Variants in PCA3 observed in about 807,000 individuals in gnomAD.
The protein encoded by PCA3 is prostate cancer associated 3, also known as Differential Display code 3.
intron 2 of PCA3, chr9:76,785,966 T>C (rs1047391815): frequency 3.9e-5 from 6 of 152,188 alleles, no homozygotes; most frequent in African/African-American, 1.2e-4. Context: ...ACAATATGCA[T>C]AAATCTAACT....
chr9:76,779,228 TAG>T (rs1225564083), intron 2 of PCA3, among the ~76,000 whole-genome samples: 1 of 140,754 alleles, frequency 7.1e-6, no homozygotes, highest in African/African-American at 2.9e-5. Flanking sequence ...GTGAAAAACT[TAG>T]ACTTTTTTTT....
chr9:76,769,509 T>C (rs976018194), intron 2 of PCA3, among the ~76,000 whole-genome samples: 33 of 152,212 alleles, frequency 2.2e-4, no homozygotes, highest in African/African-American at 7.9e-4. Context: ...CGTCGCAACC[T>C]CCGCCCCCCG....
At chr9:76,774,466 T>TATTTATTTATTTATTTA (rs1419033422) in intron 2 of PCA3, among the ~76,000 whole-genome samples, 4 of 43,488 alleles carry the variant, frequency 9.2e-5, no homozygotes, top group East Asian at 9.2e-4. Context: ...TTTTTTTTTT[T>TATTTATTTATTTATTTA]TTTTTTTTTT....
At chr9:76,776,984 C>T (rs892704189) in intron 2 of PCA3, among the ~76,000 whole-genome samples, 10 of 150,936 alleles carry the variant, frequency 6.6e-5, no homozygotes, top group African/African-American at 2.4e-4. Context: ...CGGAGATTCT[C>T]GGCACTCCTA....
chr9:76,771,641 A>T (rs1261615505), intron 2 of PCA3, among the ~76,000 whole-genome samples: 1 of 152,252 alleles, frequency 6.6e-6, no homozygotes, highest in African/African-American at 2.4e-5. Context: ...ACATCAAAGC[A>T]GTTGTACACA....
intron 2 of PCA3, among the ~76,000 whole-genome samples, chr9:76,773,950 C>G (rs1030783415): frequency 1.3e-5 from 2 of 151,980 alleles, no homozygotes; most frequent in Non-Finnish European, 2.9e-5. Flanking sequence ...AGAGAAGGAG[C>G]AAGTGAAAAC....
At chr9:76,765,964 C>T (rs1250908196) in intron 2 of PCA3, among the ~76,000 whole-genome samples, 1 of 152,002 alleles carries the variant, frequency 6.6e-6, no homozygotes, top group African/African-American at 2.4e-5. Flanking sequence ...AGGCTGATCA[C>T]GAGGTCAAGA....
intron 2 of PCA3, among the ~76,000 whole-genome samples, chr9:76,770,033 T>TA: frequency 6.6e-6 from 1 of 152,300 alleles, no homozygotes; most frequent in Middle Eastern, 3.4e-3. Flanking sequence ...ATTAGCATCA[T>TA]AACCTAATGC....
At chr9:76,774,848 G>T (rs555204135) in intron 2 of PCA3, among the ~76,000 whole-genome samples, 15 of 152,294 alleles carry the variant, frequency 9.8e-5, no homozygotes, top group South Asian at 2.1e-4. Flanking sequence ...GTAGTGAAAA[G>T]ATTGTAGATT....
Position 76,787,532 on chromosome 9 carries a change from G to C in PCA3, n.853-21051G>C, listed in dbSNP as rs556720928. 2.6e-5 allele frequency: 4 copies of C among 152,144 alleles called. No individual in the cohort carries two copies. In the South Asian group the frequency reaches 6.2e-4, roughly 24 times the overall value. 9.4% of individuals were successfully genotyped at this position (152,144 alleles called of 1,614,324 possible). ...TAACAAACCTACACATTCTGCACAT[G>C]TATCCCAGAACGTAAAGTAAAATTT... On this transcript the variant is annotated intron_variant and non_coding_transcript_variant, in intron 2 of 5. Coordinates refer to ENST00000644657, the Ensembl canonical transcript of PCA3.
chr9:76,774,456 T>TATTTATTTATTTATTTATTTATTTA (rs770848796), intron 2 of PCA3, among the ~76,000 whole-genome samples: 4 of 133,814 alleles, frequency 3.0e-5, no homozygotes, highest in African/African-American at 8.1e-5. Flanking sequence ...AACCCTTTTT[T>TATTTATTTATTTATTTATTTATTTA]TTTTTTTTTT....
intron 2 of PCA3, chr9:76,782,546 G>A (rs995204355): frequency 2.0e-5 from 3 of 152,150 alleles, no homozygotes; most frequent in Non-Finnish European, 4.4e-5. Flanking sequence ...GTTAATTTTT[G>A]TAAAATCCTT....
At chr9:76,776,283 C>T (rs942157181) in intron 2 of PCA3, among the ~76,000 whole-genome samples, 4 of 152,088 alleles carry the variant, frequency 2.6e-5, no homozygotes, top group East Asian at 1.9e-4. Flanking sequence ...TTCCTTACCA[C>T]CCTCCCGCCT....
chr9:76,768,705 A>G (rs1270809015), intron 2 of PCA3, among the ~76,000 whole-genome samples: 2 of 151,890 alleles, frequency 1.3e-5, no homozygotes, highest in Non-Finnish European at 2.9e-5. Flanking sequence ...AAAATAATTT[A>G]TGGTTTACCT....
chr9:76,774,450 C>CTTTTTTTTTTTTTTTTTTTTT (rs869289049), intron 2 of PCA3, among the ~76,000 whole-genome samples: 14 of 41,376 alleles, frequency 3.4e-4, no homozygotes, highest in Non-Finnish European at 4.3e-4. Context: ...CAGTTCAACC[C>CTTTTTTTTTTTTTTTTTTTTT]TTTTTTTTTT....
chr9:76,771,139 G>A (rs627176), intron 2 of PCA3, among the ~76,000 whole-genome samples: 83,186 of 151,874 alleles, frequency 0.55, 24,538 homozygotes, highest in African/African-American at 0.77. Context: ...TATAAATTAT[G>A]ATCATAGAAA....
intron 2 of PCA3, among the ~76,000 whole-genome samples, chr9:76,773,784 T>C (rs1233977746): frequency 6.6e-6 from 1 of 152,232 alleles, no homozygotes; most frequent in East Asian, 1.9e-4. Context: ...AGAATGTTTT[T>C]TTCCCTGTTC....
rs562439204 is a variant in PCA3 at position 76,770,041 on chromosome 9, T to C, written n.852+33426T>C. ...AAAATTTATTAGCATCATAACCTAA[T>C]GCAGATATCCTCCCAGAATATCAGG... On this transcript the variant is annotated intron_variant and non_coding_transcript_variant, in intron 2 of 5. Transcript: ENST00000644657. Among the ~76,000 whole-genome samples, 18 of 152,336 alleles carry C rather than the reference T, an allele frequency of 1.2e-4. No homozygotes were observed. In the South Asian group the frequency reaches 3.5e-3, roughly 30 times the overall value.
At chr9:76,785,785 CTTTGACCCATTA>C (rs1412210449) in intron 2 of PCA3, 1 of 151,994 alleles carries the variant, frequency 6.6e-6, no homozygotes. Context: ...GCCTCTCTCT[CTTTGACCCATTA>C]TTTCAGACTT....
Sources: gnomAD v4.1 joint callset for allele counts (sites outside exome capture counted in the v4.1 genomes callset) on GRCh38, gnomAD v4.1.1 for gene constraint, MANE v1.5 for transcripts, NCBI Gene and HGNC (gene_info 2026-07-23, HGNC 2026-07-21) for gene names.